The following POU6F2 variants were observed in gnomAD, a reference collection of about 807,000 sequenced individuals.
The protein encoded by POU6F2 is POU class 6 homeobox 2.
Under a neutral mutation model 71.3 loss-of-function variants are expected in POU6F2, and 31 were observed. That is an observed-to-expected ratio of 0.43 (90% CI 0.33 to 0.59). The LOEUF (loss-of-function observed/expected upper bound fraction) is 0.59. POU6F2 is among the 20% of genes least tolerant of loss of function. The pLI is 0.04. For synonymous variants in POU6F2, 347 were observed against 355.7 expected, an observed-to-expected ratio of 0.98 and a Z score of 0.27; for missense variants, 783 against 856.8, an observed-to-expected ratio of 0.91 and a Z score of 1.07.
chr7:39,009,521 TC>T (rs200319126), intron 1 of POU6F2, among the ~76,000 whole-genome samples: 12,319 of 152,162 alleles, frequency 0.081, 628 homozygotes, highest in East Asian at 0.13. Flanking sequence ...TATTTCCTTC[TC>T]CTGCCTAATT....
At chr7:39,000,774 G>A (rs1389825716) in intron 1 of POU6F2, among the ~76,000 whole-genome samples, 1 of 152,060 alleles carries the variant, frequency 6.6e-6, no homozygotes, top group Non-Finnish European at 1.5e-5. Flanking sequence ...TGTCCTTTTT[G>A]TATCTTCTCT....
chr7:39,388,757 A>G (rs190962097), intron 5 of POU6F2, among the ~76,000 whole-genome samples: 210 of 152,346 alleles, frequency 1.4e-3, no homozygotes, highest in Non-Finnish European at 1.9e-3. Context: ...AAGTGCGTCT[A>G]TCTATTCTGG....
chr7:39,451,337 G>T (rs1251053508), intron 7 of POU6F2, among the ~76,000 whole-genome samples, 196 bp from the exon 8 acceptor site: 1 of 146,404 alleles, frequency 6.8e-6, no homozygotes, highest in African/African-American at 2.6e-5. Flanking sequence ...TAAAATGCCT[G>T]TCAAGCAAGT....
At position 39,466,641 on chromosome 7, in the gene POU6F2, T is replaced by C. The variant is rs1216524513; in HGVS notation, c.*1955T>C. 1 of 152,236 alleles carries C rather than the reference T, an allele frequency of 6.6e-6. No individual in the cohort carries two copies. The highest frequency in any genetic ancestry group is 1.5e-5 in the Non-Finnish European group (1 of 68,040). 9.4% of individuals were successfully genotyped at this position (152,236 alleles called of 1,614,324 possible). A position where few individuals can be genotyped will look rare whatever the true frequency, so the allele number is the denominator to read the frequency against. ...GGGAGTTTGAGTTTCTTCTGTTGGC[T>C]CCTTTGCTGTTTGTGTAAATGCTAC... is the stretch of plus-strand genomic sequence containing the variant. On this transcript the variant is annotated 3_prime_UTR_variant, in exon 10 of 10. Transcript: ENST00000518318.
intron 2 of POU6F2, among the ~76,000 whole-genome samples, chr7:39,090,410 G>A (rs1222642881): frequency 2.0e-5 from 3 of 152,142 alleles, no homozygotes; most frequent in South Asian, 2.1e-4. Flanking sequence ...GCAGGTCAGC[G>A]TGGAGGTCAT....
intron 4 of POU6F2, among the ~76,000 whole-genome samples, chr7:39,303,057 A>G (rs968336272): frequency 3.3e-5 from 5 of 152,248 alleles, no homozygotes; most frequent in Non-Finnish European, 7.3e-5. Context: ...CCACTTGGAG[A>G]ATCATTGCTT....
At chr7:39,326,378 G>A (rs1785503447) in intron 4 of POU6F2, among the ~76,000 whole-genome samples, 1 of 152,168 alleles carries the variant, frequency 6.6e-6, no homozygotes, top group Admixed American at 6.6e-5. Context: ...AACTCTGTAA[G>A]GAAAGAATAC....
chr7:39,009,321 G>T (rs1327489864), intron 1 of POU6F2, among the ~76,000 whole-genome samples: 1 of 151,654 alleles, frequency 6.6e-6, no homozygotes, highest in Non-Finnish European at 1.5e-5. Flanking sequence ...TTGGCTCTCT[G>T]TTTGTCTGTT....
rs201323897 is a variant in POU6F2, at chr7:39,464,231, A to G, written c.1708A>G (p.Asn570Asp). The change falls in exon 10 of 10, where the codon AAC (asparagine) becomes GAC (aspartate). Residue 570 changes from asparagine (N) to aspartate (D), a missense_variant. By Grantham distance (23) the Asn-to-Asp change is conservative. Coordinates refer to ENST00000518318, the MANE Select transcript of POU6F2 (RefSeq NM_001370959.1). This position sits in a 1 kb window ranked among gnomAD's most constrained non-coding sequence, Gnocchi z 4.1. ...HFFLPQEAQE[N>D]TIASSLTAKL... ...TTTCCTACCACAGGAAGCCCAAGAG[A>G]ACACTATAGCTAGCAGTCTGACAGC... is the stretch of plus-strand genomic sequence containing the variant. 2.5e-6 allele frequency: 4 copies of G among 1,613,920 alleles called. No individual in the cohort carries two copies. In the African/African-American group the frequency reaches 5.3e-5, roughly 22 times the overall value.
Position 39,358,942 on chromosome 7 carries a change from A to C in POU6F2, c.972+18927A>C, listed in dbSNP as rs17769159. Among the ~76,000 whole-genome samples the C allele has an allele frequency of 4.4e-4, 67 of 152,132 alleles. 4 individuals carry two copies. In the East Asian group the frequency reaches 8.7e-3, roughly 20 times the overall value. ...TGTCCCATGAATTAAACTTTGGAAC[A>C]GATAATAAAGAAAAGTTAAAATGTC... On this transcript the variant is annotated intron_variant, in intron 5 of 9. Transcript: ENST00000518318.
intron 2 of POU6F2, among the ~76,000 whole-genome samples, chr7:39,186,544 G>C (rs1314668988): frequency 6.6e-6 from 1 of 152,162 alleles, no homozygotes; most frequent in Non-Finnish European, 1.5e-5. Context: ...CTCAGCCTTT[G>C]TATAGATTCC....
chr7:39,251,088 C>T (rs756546448), intron 4 of POU6F2, among the ~76,000 whole-genome samples: 1 of 152,190 alleles, frequency 6.6e-6, no homozygotes, highest in African/African-American at 2.4e-5. Context: ...CATTCATTTA[C>T]GTAAATCTAA....
At chr7:39,378,341 T>A (rs1009610076) in intron 5 of POU6F2, among the ~76,000 whole-genome samples, 3 of 152,168 alleles carry the variant, frequency 2.0e-5, no homozygotes, top group Admixed American at 6.5e-5. Context: ...AGCACTGACC[T>A]CCTTCCCATC....
chr7:39,167,732 ATTG>A (rs1389566161), intron 2 of POU6F2, among the ~76,000 whole-genome samples: 3 of 151,742 alleles, frequency 2.0e-5, no homozygotes, highest in African/African-American at 4.8e-5. Flanking sequence ...TTATCTTTGT[ATTG>A]TTGGTGTATA....
chr7:39,307,524 A>C (rs1489309654), intron 4 of POU6F2, among the ~76,000 whole-genome samples: 1 of 152,230 alleles, frequency 6.6e-6, no homozygotes, highest in African/African-American at 2.4e-5. Context: ...GAGATGATTG[A>C]AGATAATTTT....
intron 1 of POU6F2, among the ~76,000 whole-genome samples, chr7:39,011,869 T>G (rs1325117531): frequency 6.6e-6 from 1 of 151,362 alleles, no homozygotes; most frequent in Non-Finnish European, 1.5e-5. Context: ...TCTTCTGGCT[T>G]GTAGGGTTTC....
chr7:39,218,185 A>G (rs577461003), intron 4 of POU6F2, among the ~76,000 whole-genome samples: 1 of 152,282 alleles, frequency 6.6e-6, no homozygotes, highest in East Asian at 1.9e-4. Context: ...GATGGCTGCC[A>G]CTAGACTGTC....
At chr7:39,394,350 T>C (rs1787132476) in intron 5 of POU6F2, among the ~76,000 whole-genome samples, 2 of 152,220 alleles carry the variant, frequency 1.3e-5, no homozygotes, top group Non-Finnish European at 2.9e-5. Context: ...AATGAAATTA[T>C]TTTATAACTT....
chr7:39,156,390 C>T (rs988330440), intron 2 of POU6F2, among the ~76,000 whole-genome samples: 4 of 152,074 alleles, frequency 2.6e-5, no homozygotes, highest in African/African-American at 9.7e-5. Flanking sequence ...TCCCTTTTAA[C>T]CCTGTCTCTA....
Sources: gnomAD v4.1 joint callset for allele counts (sites outside exome capture counted in the v4.1 genomes callset) on GRCh38, gnomAD v4.1.1 for gene constraint, Gnocchi (gnomAD v3.1) non-coding constraint, MANE v1.5 for transcripts, NCBI Gene and HGNC (gene_info 2026-07-23, HGNC 2026-07-21) for gene names.